The following PRKAR1B variants were observed in gnomAD, a reference collection of about 807,000 sequenced individuals.
The protein encoded by PRKAR1B is protein kinase cAMP-dependent type I regulatory subunit beta.
In PRKAR1B, 22 loss-of-function variants were observed where a neutral mutation model predicts 46.5. The observed-to-expected ratio is 0.47, with a 90% CI of 0.34 to 0.68. The LOEUF is 0.68. Ranked by LOEUF, PRKAR1B falls within the 30% of genes least tolerant of loss-of-function variation. PRKAR1B has a pLI of 0.01. For missense variants in PRKAR1B, 445 were observed against 535.6 expected (o/e 0.83, Z 1.67); for synonymous variants, 259 against 217.7 (o/e 1.19, Z -1.67).
At chr7:550,858 G>A (rs1784139817) in intron 10 of PRKAR1B, among the ~76,000 whole-genome samples, 3 of 152,110 alleles carry the variant, frequency 2.0e-5, no homozygotes, top group African/African-American at 7.2e-5. Flanking sequence ...CAATCCTGCA[G>A]GAATGCCCAG....
intron 2 of PRKAR1B, among the ~76,000 whole-genome samples, chr7:686,465 G>A (rs2128512217): frequency 6.6e-6 from 1 of 152,198 alleles, no homozygotes; most frequent in Non-Finnish European, 1.5e-5. Flanking sequence ...GGGTCATCTG[G>A]CATTGCCCAA....
intron 7 of PRKAR1B, among the ~76,000 whole-genome samples, chr7:591,286 C>A (rs1489500631): frequency 6.6e-6 from 1 of 152,230 alleles, no homozygotes; most frequent in Non-Finnish European, 1.5e-5. Context: ...CCGGTGGGCA[C>A]TGGGACCCCC....
At chr7:717,555 G>A (rs565482741) in intron 1 of PRKAR1B, among the ~76,000 whole-genome samples, 1 of 152,150 alleles carries the variant, frequency 6.6e-6, no homozygotes, top group East Asian at 1.9e-4. Context: ...CTATTCAGGA[G>A]GCTAAGGTGG....
intron 9 of PRKAR1B, among the ~76,000 whole-genome samples, chr7:571,010 C>T (rs1779477636): frequency 6.6e-6 from 1 of 152,240 alleles, no homozygotes; most frequent in South Asian, 2.1e-4. Context: ...CGGCCCACGG[C>T]ATCTCTCCAG....
chr7:588,583 CAG>C (rs1491153956), intron 7 of PRKAR1B, among the ~76,000 whole-genome samples: 15 of 77,900 alleles, frequency 1.9e-4, no homozygotes, highest in African/African-American at 6.9e-4. Context: ...AGGATAGTGA[CAG>C]TGGTGATGAC....
intron 4 of PRKAR1B, among the ~76,000 whole-genome samples, chr7:616,639 C>T (rs1226440340): frequency 6.6e-6 from 1 of 152,354 alleles, no homozygotes; most frequent in Non-Finnish European, 1.5e-5. Context: ...GTGCCACGCA[C>T]CGCTTTGGCT....
At chr7:617,056 C>T (rs989652540) in intron 4 of PRKAR1B, among the ~76,000 whole-genome samples, 16 of 143,148 alleles carry the variant, frequency 1.1e-4, no homozygotes, top group Admixed American at 7.4e-4. Context: ...TATAATGGCA[C>T]GATCCCAGCT....
At chr7:696,829 A>C (rs1779767315) in intron 2 of PRKAR1B, 1 of 152,370 alleles carries the variant, frequency 6.6e-6, no homozygotes. Flanking sequence ...GGTTCCATAC[A>C]CACAGGCCGC....
At chr7:660,076 C>G (rs1785424895) in intron 4 of PRKAR1B, among the ~76,000 whole-genome samples, 1 of 152,020 alleles carries the variant, frequency 6.6e-6, no homozygotes. Flanking sequence ...GCCTTGGGCT[C>G]TCCATCCCCT....
Position 613,614 on chromosome 7 carries a change from A to G in PRKAR1B, c.441-6162T>C, listed in dbSNP as rs571704769. ...GGGTTGAACGTGAGTAACTCAGCCCATCGTTCCGCACTGTGAATCTGCTCC... is the reference window on the plus strand; with the variant it reads ...GGGTTGAACGTGAGTAACTCAGCCCGTCGTTCCGCACTGTGAATCTGCTCC... On this transcript the variant is annotated intron_variant, in intron 4 of 10. Coordinates refer to ENST00000537384, the MANE Select transcript of PRKAR1B (RefSeq NM_001164760.2). 2.6e-5 allele frequency among the ~76,000 whole-genome samples: 4 copies of G among 152,300 alleles called. No homozygotes were observed. In the South Asian group the frequency reaches 8.3e-4, roughly 32 times the overall value.
At chr7:576,942 G>T (rs528128537) in intron 9 of PRKAR1B, among the ~76,000 whole-genome samples, 1 of 151,406 alleles carries the variant, frequency 6.6e-6, no homozygotes, top group Non-Finnish European at 1.5e-5. Context: ...TGTTCCAGCG[G>T]TGGTGAGCAT....
In PRKAR1B at chr7:607,315, T is replaced by C. The variant is rs1458927777; in HGVS notation, c.502+76A>G. ...AGGCGTGGGCCATCGTGCCTGCCCT[T>C]ATGCTATTTTTTTTTTAAGTGCATA... On this transcript the variant is annotated intron_variant, in intron 5 of 10. Transcript: ENST00000537384. 5 of 1,435,240 alleles carry C rather than the reference T, an allele frequency of 3.5e-6. No homozygotes were observed. The Middle Eastern group carries it at 6.2e-4, about 179-fold the overall frequency. The allele number at this position is 1,435,240 out of a possible 1,614,324, so 88.9% of individuals were successfully genotyped here.
intron 2 of PRKAR1B, among the ~76,000 whole-genome samples, chr7:694,209 C>T (rs1035379424): frequency 2.4e-4 from 36 of 152,064 alleles, no homozygotes; most frequent in Non-Finnish European, 5.0e-4. Flanking sequence ...CACATGAACC[C>T]GGGAGGCACA....
intron 8 of PRKAR1B, among the ~76,000 whole-genome samples, chr7:580,165 C>T (rs770351812): frequency 2.0e-5 from 3 of 149,438 alleles, no homozygotes; most frequent in African/African-American, 5.0e-5. Context: ...CGGGAGGTCG[C>T]GGCTGCAGTG....
chr7:580,370 A>G (rs895339508), intron 8 of PRKAR1B, among the ~76,000 whole-genome samples: 1 of 151,650 alleles, frequency 6.6e-6, no homozygotes, highest in Non-Finnish European at 1.5e-5. Context: ...CCTGGTCAAC[A>G]TGGCAAAACC....
chr7:605,561 T>C (rs994893266), intron 6 of PRKAR1B, among the ~76,000 whole-genome samples: 2 of 152,210 alleles, frequency 1.3e-5, no homozygotes, highest in Non-Finnish European at 2.9e-5. Context: ...ATTTTATACA[T>C]ACACATACAC....
chr7:704,746 T>G (rs920984532), intron 2 of PRKAR1B, among the ~76,000 whole-genome samples: 1 of 151,778 alleles, frequency 6.6e-6, no homozygotes, highest in African/African-American at 2.4e-5. Flanking sequence ...TCCAGCCTGG[T>G]CAACAAAGCA....
chr7:652,102 A>G (rs1257559670), intron 4 of PRKAR1B, among the ~76,000 whole-genome samples: 1 of 134,420 alleles, frequency 7.4e-6, no homozygotes, highest in Non-Finnish European at 1.6e-5. Flanking sequence ...ACACAGCGCT[A>G]GGAACCTGGG....
intron 4 of PRKAR1B, among the ~76,000 whole-genome samples, chr7:668,012 CCA>C (rs1394310316): frequency 1.4e-4 from 21 of 152,188 alleles, no homozygotes; most frequent in Non-Finnish European, 2.2e-4. Flanking sequence ...TATGTATCTC[CCA>C]CACTGTTACG....
Sources: allele counts gnomAD v4.1 joint callset (sites outside exome capture counted in the v4.1 genomes callset), GRCh38; gene constraint gnomAD v4.1.1; transcripts MANE v1.5; gene names NCBI Gene and HGNC (gene_info 2026-07-23, HGNC 2026-07-21).